TRABD2B: variants seen among roughly 807,000 people sequenced by gnomAD.
TRABD2B encodes TraB domain containing 2B, also known as metalloprotease TIKI2.
In TRABD2B, 14 loss-of-function variants were observed where a neutral mutation model predicts 40.1. That is an observed-to-expected ratio of 0.35 (90% CI 0.23 to 0.55). The LOEUF is 0.55. Ranked by LOEUF, TRABD2B falls within the 20% of genes least tolerant of loss-of-function variation. The probability of loss-of-function intolerance (pLI) is 0.90; values close to 1 mark genes in which losing one functional copy is unlikely to be tolerated. For missense variants in TRABD2B, 541 were observed against 648.6 expected (o/e 0.83, Z 1.80); for synonymous variants, 263 against 277.0 (o/e 0.95, Z 0.50).
rs1207845292 is a variant in TRABD2B, at chr1:47,848,672, T to C, written c.667-47053A>G. Among the ~76,000 whole-genome samples the C allele has an allele frequency of 2.6e-5, 4 of 152,196 alleles. No homozygotes were observed. In the East Asian group the frequency reaches 7.7e-4, roughly 29 times the overall value. On this transcript the variant is annotated intron_variant, in intron 2 of 6. Coordinates refer to ENST00000606738, the MANE Select transcript of TRABD2B (RefSeq NM_001194986.2). ...GAGGGCTGCAAATATTCCCTGAATG[T>C]TGGGTTAGTAACCTGGAAGGGCAGG...
At chr1:47,774,232 A>T (rs1051171630) in intron 6 of TRABD2B, among the ~76,000 whole-genome samples, 20 of 152,118 alleles carry the variant, frequency 1.3e-4, no homozygotes, top group African/African-American at 4.8e-4. Flanking sequence ...TTTCGGGGGA[A>T]AATCCTGGAT....
At chr1:47,837,304 C>G (rs1045821198) in intron 2 of TRABD2B, among the ~76,000 whole-genome samples, 6 of 152,182 alleles carry the variant, frequency 3.9e-5, no homozygotes, top group African/African-American at 1.4e-4. Context: ...GCATTTTTCC[C>G]ACATTAGGAC....
At chr1:47,820,819 CACAA>C (rs1259847768) in intron 2 of TRABD2B, among the ~76,000 whole-genome samples, 16 of 138,798 alleles carry the variant, frequency 1.2e-4, no homozygotes, top group Non-Finnish European at 2.3e-4. Context: ...CACACACACA[CACAA>C]AATCTTACTT....
intron 4 of TRABD2B, among the ~76,000 whole-genome samples, chr1:47,791,813 A>T (rs6675571): frequency 2.0e-5 from 3 of 152,172 alleles, no homozygotes; most frequent in East Asian, 1.9e-4. Flanking sequence ...TGTCAATAGG[A>T]TGACTCTGTA....
intron 2 of TRABD2B, among the ~76,000 whole-genome samples, chr1:47,879,752 A>G (rs900905193): frequency 1.8e-4 from 27 of 152,276 alleles, no homozygotes; most frequent in African/African-American, 6.5e-4. Flanking sequence ...GATGTCATCT[A>G]TAACTTGTTC....
intron 2 of TRABD2B, among the ~76,000 whole-genome samples, chr1:47,984,210 G>A (rs1033904172): frequency 3.9e-5 from 6 of 152,344 alleles, no homozygotes; most frequent in East Asian, 1.9e-4. Flanking sequence ...GTGGCTGCCC[G>A]GGCAGGGCTG....
chr1:47,881,629 C>G (rs11802806), intron 2 of TRABD2B, among the ~76,000 whole-genome samples: 7 of 152,302 alleles, frequency 4.6e-5, no homozygotes, highest in Middle Eastern at 3.4e-3. Context: ...GGTTCTGAAG[C>G]CATGTCTACA....
At chr1:47,902,403 C>G (rs1182525246) in intron 2 of TRABD2B, among the ~76,000 whole-genome samples, 4 of 152,114 alleles carry the variant, frequency 2.6e-5, no homozygotes, top group African/African-American at 9.7e-5. Context: ...AGAACCGAGA[C>G]CCACGAGAAG....
intron 2 of TRABD2B, among the ~76,000 whole-genome samples, chr1:47,967,336 AACACACACACACAC>A (rs56776440): frequency 1.0e-4 from 15 of 147,278 alleles, no homozygotes; most frequent in South Asian, 4.4e-4. Flanking sequence ...TAAGCAAGAA[AACACACACACACAC>A]ACACACACAC....
intron 4 of TRABD2B, among the ~76,000 whole-genome samples, chr1:47,788,791 T>C (rs1215667816): frequency 6.6e-6 from 1 of 152,226 alleles, no homozygotes; most frequent in Non-Finnish European, 1.5e-5. Flanking sequence ...GAGTGTGTGA[T>C]AACCACTGGT....
At chr1:47,905,682 A>G (rs188255321) in intron 2 of TRABD2B, among the ~76,000 whole-genome samples, 8 of 152,106 alleles carry the variant, frequency 5.3e-5, no homozygotes, top group African/African-American at 1.9e-4. Context: ...CTGTATGTCT[A>G]TCTCTCTGCC....
rs1168718484 is a variant in TRABD2B at position 47,813,057 on chromosome 1, C to G, written c.667-11438G>C. On this transcript the variant is annotated intron_variant, in intron 2 of 6. Transcript: ENST00000606738. This position sits in a 1 kb window ranked among gnomAD's most constrained non-coding sequence, Gnocchi z 4.3. ...CATTATCACTGTTATTGTTATTAAG[C>G]AGCTGCTTCCATTGGTTCGAGGCAT... Among the ~76,000 whole-genome samples the G allele has an allele frequency of 6.6e-6, 1 of 152,226 alleles. No homozygotes were observed. Among genetic ancestry groups the G allele is most frequent in the Non-Finnish European group, 1.5e-5 (1 of 68,048 alleles).
intron 2 of TRABD2B, among the ~76,000 whole-genome samples, chr1:47,903,170 A>G (rs1644625950): frequency 6.6e-6 from 1 of 152,058 alleles, no homozygotes. Flanking sequence ...TTATGTGTCT[A>G]TCTCAGCTTC....
chr1:47,804,220 G>A (rs1644859851), intron 2 of TRABD2B, among the ~76,000 whole-genome samples: 1 of 152,218 alleles, frequency 6.6e-6, no homozygotes, highest in Non-Finnish European at 1.5e-5. Context: ...CAGGCCTCTA[G>A]GCTCTGGCCG....
intron 2 of TRABD2B, among the ~76,000 whole-genome samples, chr1:47,812,459 G>A (rs1248904093): frequency 6.6e-6 from 1 of 152,194 alleles, no homozygotes; most frequent in East Asian, 1.9e-4. Flanking sequence ...TGTGCATGGT[G>A]GCTCACATCT....
At chr1:47,962,268 C>T (rs992057425) in intron 2 of TRABD2B, among the ~76,000 whole-genome samples, 8 of 152,102 alleles carry the variant, frequency 5.3e-5, no homozygotes, top group East Asian at 1.9e-4. Context: ...ATGTAAATGA[C>T]GAGTTAATGG....
chr1:47,781,942 C>T (rs887628370), intron 4 of TRABD2B, among the ~76,000 whole-genome samples: 14 of 152,238 alleles, frequency 9.2e-5, no homozygotes, highest in African/African-American at 2.9e-4. Flanking sequence ...TCTCACTGCC[C>T]CCTATCTGTC....
intron 2 of TRABD2B, among the ~76,000 whole-genome samples, chr1:47,809,697 G>A (rs1408716092): frequency 6.6e-6 from 1 of 152,144 alleles, no homozygotes; most frequent in African/African-American, 2.4e-5. Context: ...TCAGTATTCC[G>A]AGTCTCCTAG....
intron 2 of TRABD2B, among the ~76,000 whole-genome samples, chr1:47,950,192 G>A (rs1169860943): frequency 6.6e-6 from 1 of 152,170 alleles, no homozygotes; most frequent in African/African-American, 2.4e-5. Context: ...GGCTGAAGCA[G>A]GAGAATGGTG....
Sources: allele counts gnomAD v4.1 joint callset (sites outside exome capture counted in the v4.1 genomes callset), GRCh38; gene constraint gnomAD v4.1.1; non-coding constraint Gnocchi (gnomAD v3.1); transcripts MANE v1.5; gene names NCBI Gene and HGNC (gene_info 2026-07-23, HGNC 2026-07-21).